Variants in PSD3 observed in about 807,000 individuals in gnomAD.
PSD3 encodes pleckstrin and Sec7 domain containing 3, also known as PH and SEC7 domain-containing protein 3.
Under a neutral mutation model 105.5 loss-of-function variants are expected in PSD3, and 49 were observed. The ratio of observed to expected loss-of-function variants is 0.46; its 90% CI spans 0.37 to 0.59. PSD3 has a LOEUF of 0.59. PSD3 is among the 20% of genes least tolerant of loss of function. The pLI, the probability that PSD3 is intolerant of heterozygous loss-of-function variation, is 0.00. For missense variants in PSD3, 1,561 were observed against 1,263.8 expected, an observed-to-expected ratio of 1.24 and a Z score of -3.57; for synonymous variants, 557 against 457.8, an observed-to-expected ratio of 1.22 and a Z score of -2.77.
At chr8:18,894,334 A>G (rs1819004011) in intron 2 of PSD3, among the ~76,000 whole-genome samples, 3 of 152,216 alleles carry the variant, frequency 2.0e-5, no homozygotes, top group Admixed American at 2.0e-4. Context: ...GAAGCGGCAC[A>G]TGAAAACCTC....
At chr8:18,805,507 T>C (rs12550155) in intron 4 of PSD3, among the ~76,000 whole-genome samples, 1 of 152,350 alleles carries the variant, frequency 6.6e-6, no homozygotes, top group South Asian at 2.1e-4. Context: ...TATTCTTTTT[T>C]GATACAACAC....
intron 4 of PSD3, chr8:18,865,216 ATTCTATG>A (rs2129456055): frequency 9.4e-6 from 1 of 106,744 alleles, no homozygotes; most frequent in African/African-American, 3.5e-5. Context: ...TGGAATACAG[ATTCTATG>A]TTATATATAT....
chr8:19,074,645 G>C (rs1289091229), intron 1 of PSD3, among the ~76,000 whole-genome samples: 2 of 100,134 alleles, frequency 2.0e-5, no homozygotes, highest in East Asian at 2.7e-4. Flanking sequence ...TTTTGAGATG[G>C]AGTCTCGCTC....
At chr8:18,681,250 T>C (rs780457595) in intron 9 of PSD3, among the ~76,000 whole-genome samples, 4 of 151,958 alleles carry the variant, frequency 2.6e-5, no homozygotes, top group South Asian at 2.1e-4. Flanking sequence ...ATCATCAAAT[T>C]AGACATCCTG....
At chr8:18,549,053 T>C (rs555849073) in intron 15 of PSD3, among the ~76,000 whole-genome samples, 1 of 152,278 alleles carries the variant, frequency 6.6e-6, no homozygotes, top group South Asian at 2.1e-4. Flanking sequence ...CTTTCCCCAG[T>C]GGAAGAAATC....
intron 11 of PSD3, among the ~76,000 whole-genome samples, chr8:18,606,017 A>G (rs947916747): frequency 6.6e-6 from 1 of 152,186 alleles, no homozygotes; most frequent in African/African-American, 2.4e-5. Context: ...ATTTCTTCAG[A>G]TGAGTGTGAG....
intron 2 of PSD3, among the ~76,000 whole-genome samples, chr8:18,882,817 T>C (rs543996971): frequency 7.9e-5 from 12 of 151,406 alleles, no homozygotes; most frequent in Non-Finnish European, 1.3e-4. Flanking sequence ...GATATATATA[T>C]ACATATATAT....
chr8:18,690,064 G>A (rs1413565217), intron 9 of PSD3, among the ~76,000 whole-genome samples: 3 of 152,116 alleles, frequency 2.0e-5, no homozygotes, highest in Non-Finnish European at 4.4e-5. Flanking sequence ...TATCTCTTCA[G>A]ACTACATTAA....
At chr8:18,850,102 CT>C (rs1815442381) in intron 4 of PSD3, among the ~76,000 whole-genome samples, 1 of 152,216 alleles carries the variant, frequency 6.6e-6, no homozygotes, top group Non-Finnish European at 1.5e-5. Context: ...GATAGATGTA[CT>C]TCTCTGTTCA....
Position 18,645,572 on chromosome 8 carries a change from G to A in PSD3, c.2216+10070C>T, listed in dbSNP as rs569195145. Among the ~76,000 whole-genome samples the A allele has an allele frequency of 1.2e-4, 19 of 152,140 alleles. No homozygotes were observed. The East Asian group carries it at 1.9e-3, about 15-fold the overall frequency. ...ATAGATTTAACCTTAGTTATTCTTC[G>A]TATAGATTGTCTTGTAAGTTTGTTA... On this transcript the variant is annotated intron_variant, in intron 10 of 15. Transcript: ENST00000327040.
intron 9 of PSD3, among the ~76,000 whole-genome samples, chr8:18,673,708 G>A (rs377359272): frequency 1.3e-5 from 2 of 152,306 alleles, no homozygotes; most frequent in East Asian, 1.9e-4. Context: ...GGGAAGAGAC[G>A]CCCTGCTGTG....
intron 9 of PSD3, among the ~76,000 whole-genome samples, chr8:18,658,943 T>C (rs1192184356): frequency 1.3e-5 from 2 of 152,150 alleles, no homozygotes. Context: ...AGCAACACCT[T>C]TTCACAGCTT....
intron 14 of PSD3, among the ~76,000 whole-genome samples, chr8:18,564,747 C>T (rs184363308): frequency 6.6e-6 from 1 of 152,038 alleles, no homozygotes; most frequent in Admixed American, 6.6e-5. Context: ...ACCTCCTCCC[C>T]TGAAATCCCA....
At chr8:19,001,629 G>A (rs767125702) in intron 1 of PSD3, 2 of 151,956 alleles carry the variant, frequency 1.3e-5, no homozygotes, top group Non-Finnish European at 2.9e-5. Context: ...ATTTGTACCC[G>A]AAGCATCGAA....
chr8:18,680,088 T>A (rs1800296003), intron 9 of PSD3, among the ~76,000 whole-genome samples: 1 of 152,226 alleles, frequency 6.6e-6, no homozygotes, highest in African/African-American at 2.4e-5. Context: ...AGAGTGTTTA[T>A]CAACATGAAC....
intron 1 of PSD3, among the ~76,000 whole-genome samples, chr8:18,973,114 G>A (rs933986134): frequency 3.9e-5 from 6 of 152,244 alleles, no homozygotes; most frequent in East Asian, 3.9e-4. Context: ...GGCAGTGTCC[G>A]GCACCCAAAA....
chr8:18,545,763 C>G (rs983794137), intron 15 of PSD3, among the ~76,000 whole-genome samples: 1 of 152,120 alleles, frequency 6.6e-6, no homozygotes, highest in Non-Finnish European at 1.5e-5. Context: ...GAAGTCATAC[C>G]GGGTATCCCT....
chr8:19,060,274 A>G (rs1828852090), intron 1 of PSD3, among the ~76,000 whole-genome samples: 1 of 152,224 alleles, frequency 6.6e-6, no homozygotes, highest in Non-Finnish European at 1.5e-5. Flanking sequence ...GTTTCCAAGA[A>G]ACAGTTTTAG....
intron 4 of PSD3, among the ~76,000 whole-genome samples, chr8:18,859,357 A>C (rs1273733598): frequency 6.6e-6 from 1 of 151,716 alleles, no homozygotes; most frequent in Non-Finnish European, 1.5e-5. Flanking sequence ...GGCAGAGTAG[A>C]TTTAAGGATA....
Sources: gnomAD v4.1 joint callset for allele counts (sites outside exome capture counted in the v4.1 genomes callset) on GRCh38, gnomAD v4.1.1 for gene constraint, MANE v1.5 for transcripts, NCBI Gene and HGNC (gene_info 2026-07-23, HGNC 2026-07-21) for gene names.